TTC13: variants seen among roughly 807,000 people sequenced by gnomAD.
TTC13 encodes the protein tetratricopeptide repeat protein 13.
A neutral mutation model predicts 120.0 loss-of-function variants in TTC13; 62 were observed. The observed-to-expected ratio is 0.52, with a 90% CI of 0.42 to 0.64. TTC13 has a LOEUF of 0.64. Among genes scored for constraint, TTC13 ranks in the 30% least tolerant of loss-of-function variants. The probability of loss-of-function intolerance (pLI) is 0.00; values close to 1 mark genes in which losing one functional copy is unlikely to be tolerated. For synonymous variants in TTC13, 384 were observed against 393.5 expected, an observed-to-expected ratio of 0.98 and a Z score of 0.28; for missense variants, 824 against 1,050.2, an observed-to-expected ratio of 0.78 and a Z score of 2.98.
chr1:230,918,165 A>G (rs557298145), intron 17 of TTC13, among the ~76,000 whole-genome samples: 1 of 152,338 alleles, frequency 6.6e-6, no homozygotes, highest in South Asian at 2.1e-4. Context: ...CTTAAACGCT[A>G]ACTATTTATT....
rs1365062949 is a variant in TTC13 at position 230,942,209 on chromosome 1, AT to A, written c.672+1596del. Among the ~76,000 whole-genome samples, 1 of 152,196 alleles carries A rather than the reference AT, an allele frequency of 6.6e-6. No homozygotes were observed. Among genetic ancestry groups the A allele is most frequent in the East Asian group, 1.9e-4 (1 of 5,198 alleles). Reference sequence around the variant, plus strand: ...ATATACTTAACTCATGATTTACCAGATTTTAACATAAACCAGAGTAATATAG... The same window carrying A: ...ATATACTTAACTCATGATTTACCAGATTTAACATAAACCAGAGTAATATAG... On this transcript the variant is annotated intron_variant, in intron 6 of 22. Transcript: ENST00000366661. This position sits in a 1 kb window ranked among gnomAD's most constrained non-coding sequence, Gnocchi z 4.0.
intron 4 of TTC13, among the ~76,000 whole-genome samples, chr1:230,950,832 A>C (rs367737024): frequency 9.2e-5 from 14 of 152,228 alleles, no homozygotes; most frequent in East Asian, 7.7e-4. Context: ...ATTTATGTTA[A>C]ACCCATCCCT....
At chr1:230,931,560 C>T (rs1020771310) in intron 10 of TTC13, 88 bp from the exon 11 acceptor site, 1 of 1,514,720 alleles carries the variant, frequency 6.6e-7, no homozygotes, top group South Asian at 1.3e-5. Flanking sequence ...GTTTTCCCTC[C>T]AGGTTAAACC....
At position 230,906,622 on chromosome 1, in the gene TTC13, T is replaced by C. The variant is rs537916241; in HGVS notation, c.*283A>G. 7.4e-5 allele frequency: 14 copies of C among 190,290 alleles called. No individual in the cohort carries two copies. The highest frequency in any genetic ancestry group is 1.2e-4 in the Admixed American group (2 of 16,522). 11.8% of individuals were successfully genotyped at this position (190,290 alleles called of 1,614,324 possible). A position where few individuals can be genotyped will look rare whatever the true frequency, so the allele number is the denominator to read the frequency against. The stretch of plus-strand genomic sequence containing the variant: ...AGTTGTTGAGGAAAATTTTTTTTAC[T>C]GTAAGGAAGGAGTTATATGACTTTA... On this transcript the variant is annotated 3_prime_UTR_variant, in exon 23 of 23. Transcript: ENST00000366661.
chr1:230,929,185 G>C, intron 11 of TTC13, 92 bp from the exon 12 acceptor site: 1 of 1,301,422 alleles, frequency 7.7e-7, no homozygotes, highest in South Asian at 1.5e-5. Context: ...GTAACAAGCT[G>C]TTCTTCAATT....
Position 230,906,990 on chromosome 1 carries a change from G to T in TTC13, c.2498C>A (p.Ser833Ter). The stretch of plus-strand genomic sequence containing the variant: ...TAACGTTGGAAACGTTTCTGATACT[G>T]ATGGAAGAGTCTTATAAGAAGGTGA... ...SISPSYKTLP[S>*]VSETFPTLRS... The change falls in exon 23 of 23, where the codon TCA becomes TAA. Residue 833 changes from serine to a stop codon, truncating the protein, a stop_gained. Transcript: ENST00000366661. LOFTEE classifies it high-confidence loss of function. 6.5e-7 allele frequency: 1 copy of T among 1,531,722 alleles called. No homozygotes were observed. The highest frequency in any genetic ancestry group is 8.7e-7 in the Non-Finnish European group (1 of 1,146,030). 94.9% of individuals were successfully genotyped at this position (1,531,722 alleles called of 1,614,324 possible). A position where few individuals can be genotyped will look rare whatever the true frequency, so the allele number is the denominator to read the frequency against.
chr1:230,931,505 A>G, intron 10 of TTC13, 33 bp from the exon 11 acceptor site: 4 of 1,604,328 alleles, frequency 2.5e-6, no homozygotes, highest in Non-Finnish European at 3.4e-6. Flanking sequence ...GTATCAACAC[A>G]GTTTAGGAAA....
intron 1 of TTC13, among the ~76,000 whole-genome samples, chr1:230,975,044 C>T (rs1336325380): frequency 2.0e-5 from 3 of 152,074 alleles, no homozygotes; most frequent in African/African-American, 7.2e-5. Flanking sequence ...TACTGTATAA[C>T]CTTAACTTCT....
rs1678526052 is a variant in TTC13, at chr1:230,978,048, A to G, written c.271+512T>C. On this transcript the variant is annotated intron_variant, in intron 1 of 22. Transcript: ENST00000366661. The surrounding 1 kb of genome is among the most constrained non-coding windows in gnomAD (Gnocchi z 5.6). ...TCTTTTTTTCCATTCCAGGGATCCA[A>G]TTTTTAGGAACTGTTGTATACGAGA... Among the ~76,000 whole-genome samples, 1 of 152,116 alleles carries G rather than the reference A, an allele frequency of 6.6e-6. No individual in the cohort carries two copies. The highest frequency in any genetic ancestry group is 2.1e-4 in the South Asian group (1 of 4,838).
chr1:230,926,260 G>A (rs7550054), intron 12 of TTC13, among the ~76,000 whole-genome samples: 104,776 of 151,754 alleles, frequency 0.69, 36,274 homozygotes, highest in Admixed American at 0.72. Flanking sequence ...AAACAAAACC[G>A]GCAGAGGGAA....
chr1:230,978,544 GCCGCCGCCCACTCA>G lies in TTC13; in HGVS notation c.271+2_271+15del. ...GCCGCCCCGGCCGACTCGGACGCCC[GCCGCCGCCCACTCA>G]CCGCCGCACTCGGCAGAGTACTGGT... On this transcript the variant is annotated splice_donor_variant and splice_donor_5th_base_variant and intron_variant, in intron 1 of 22. Coordinates refer to ENST00000366661, the MANE Select transcript of TTC13 (RefSeq NM_024525.5). LOFTEE classifies it high-confidence loss of function. The surrounding 1 kb of genome is among the most constrained non-coding windows in gnomAD (Gnocchi z 5.6). The G allele has an allele frequency of 1.1e-6, 1 of 915,290 alleles. No individual in the cohort carries two copies. The highest frequency in any genetic ancestry group is 1.5e-6 in the Non-Finnish European group (1 of 689,634). The allele number at this position is 915,290 out of a possible 1,614,324, so 56.7% of individuals were successfully genotyped here.
At chr1:230,961,096 A>G in intron 2 of TTC13, 113 bp downstream of exon 2, 1 of 702,924 alleles carries the variant, frequency 1.4e-6, no homozygotes, top group South Asian at 1.8e-5. Context: ...TATCCTATGC[A>G]TGTAGACTCA....
At chr1:230,910,456 G>A (rs1342019450) in intron 20 of TTC13, among the ~76,000 whole-genome samples, 2 of 152,246 alleles carry the variant, frequency 1.3e-5, no homozygotes, top group South Asian at 2.1e-4. Flanking sequence ...ACAGAGAGGA[G>A]CAGGAGCAAA....
intron 15 of TTC13, among the ~76,000 whole-genome samples, chr1:230,922,433 G>A (rs1184266461): frequency 6.6e-6 from 1 of 152,110 alleles, no homozygotes; most frequent in Non-Finnish European, 1.5e-5. Context: ...TTCTCCCAAT[G>A]TGCAAATCTG....
Position 230,924,880 on chromosome 1 carries a change from T to C in TTC13, c.1682A>G (p.Gln561Arg), listed in dbSNP as rs754901992. 7.4e-6 allele frequency: 12 copies of C among 1,614,112 alleles called. No individual in the cohort carries two copies. Among genetic ancestry groups the C allele is most frequent in the Non-Finnish European group, 4.2e-6 (5 of 1,180,050 alleles). ...VRMNGKTRLM[Q>R]WRDMFDIAVK... ...TGCAATGTCAAACATGTCTCTCCAC[T>C]GCATCAACCGTGTCTTCCCATTCAT... Residue 561 changes from glutamine (Q) to arginine (R), a missense_variant, in exon 14 of 23, where the codon CAG (glutamine) becomes CGG (arginine). Physicochemically the swap from Gln to Arg is conservative, Grantham distance 43 (BLOSUM62 1). This residue lies in a region of TTC13 where 430 missense variants were observed against 626.8 expected (regional missense o/e 0.69). Transcript: ENST00000366661.
chr1:230,948,400 C>CAAAAAAAAAAAAAA (rs57051929), intron 4 of TTC13, among the ~76,000 whole-genome samples: 2 of 96,600 alleles, frequency 2.1e-5, no homozygotes, highest in Admixed American at 1.2e-4. Flanking sequence ...ACTCACAATA[C>CAAAAAAAAAAAAAA]AAAAAAAAAA....
At chr1:230,916,355 C>G in intron 17 of TTC13, 53 bp from the exon 18 acceptor site, 5 of 1,272,576 alleles carry the variant, frequency 3.9e-6, no homozygotes, top group Non-Finnish European at 5.8e-6. Flanking sequence ...ACTGTAAACC[C>G]CAACTGCAAC....
At chr1:230,962,627 G>C (rs1210433730) in intron 1 of TTC13, among the ~76,000 whole-genome samples, 1 of 152,166 alleles carries the variant, frequency 6.6e-6, no homozygotes, top group East Asian at 1.9e-4. Flanking sequence ...ACTCAAACAA[G>C]TATTGTATAT....
intron 17 of TTC13, among the ~76,000 whole-genome samples, chr1:230,918,915 A>C (rs906854130): frequency 1.3e-5 from 2 of 152,244 alleles, no homozygotes; most frequent in African/African-American, 2.4e-5. Flanking sequence ...CTGAAGTTGC[A>C]CATTAGTGTT....
Sources: allele counts gnomAD v4.1 joint callset (sites outside exome capture counted in the v4.1 genomes callset), GRCh38; gene constraint gnomAD v4.1.1; regional missense constraint gnomAD v4.1.1; non-coding constraint Gnocchi (gnomAD v3.1); transcripts MANE v1.5; gene names NCBI Gene and HGNC (gene_info 2026-07-23, HGNC 2026-07-21).